Variants in SDHC observed in about 807,000 individuals in gnomAD.
SDHC encodes succinate dehydrogenase cytochrome b560 subunit, mitochondrial.
SDHC carries 11 observed loss-of-function variants against 22.6 expected under a neutral mutation model. The observed-to-expected ratio is 0.49, with a 90% CI of 0.31 to 0.81. The LOEUF (loss-of-function observed/expected upper bound fraction) is 0.81, where lower values mean the gene tolerates loss of function less well. SDHC is among the 30% of genes least tolerant of loss of function. SDHC has a pLI of 0.05. For synonymous variants in SDHC, 80 were observed against 77.8 expected, an observed-to-expected ratio of 1.03 and a Z score of -0.15; for missense variants, 160 against 212.0, an observed-to-expected ratio of 0.75 and a Z score of 1.52.
intron 4 of SDHC, among the ~76,000 whole-genome samples, chr1:161,347,191 T>C (rs943613735): frequency 6.6e-6 from 1 of 152,154 alleles, no homozygotes; most frequent in African/African-American, 2.4e-5. Flanking sequence ...GAAATTCCTT[T>C]ATGGAAAGGC....
At chr1:161,326,123 A>T (rs1328725895) in intron 2 of SDHC, among the ~76,000 whole-genome samples, 1 of 152,086 alleles carries the variant, frequency 6.6e-6, no homozygotes, top group Non-Finnish European at 1.5e-5. Flanking sequence ...GATGACTTGA[A>T]TCCAGGAGGC....
Position 161,356,818 on chromosome 1 carries a change from C to T in SDHC, c.383C>T (p.Thr128Ile), listed in dbSNP as rs2102371329. Residue 128 changes from threonine (T) to isoleucine (I), a missense_variant, in exon 5 of 6, where the codon ACC (threonine) becomes ATC (isoleucine). This residue lies in a region of SDHC where 74 missense variants were observed against 128.6 expected (regional missense o/e 0.58). Transcript: ENST00000367975. ...CTTGTCTTCCCTCTCATGTATCATA[C>T]CTGGAATGGGATCCGACACTTGGTA... ...FALVFPLMYH[T>I]WNGIRHLMWD... 6.2e-7 allele frequency: 1 copy of T among 1,614,156 alleles called. No individual in the cohort carries two copies. Among genetic ancestry groups the T allele is most frequent in the Non-Finnish European group, 8.5e-7 (1 of 1,180,016 alleles).
At chr1:161,345,249 C>T (rs115299234) in intron 4 of SDHC, among the ~76,000 whole-genome samples, 235 of 152,228 alleles carry the variant, frequency 1.5e-3, no homozygotes, top group African/African-American at 5.2e-3. Flanking sequence ...CTGAAATGCC[C>T]ACCCTGACCT....
intron 3 of SDHC, among the ~76,000 whole-genome samples, chr1:161,329,823 T>C (rs2102310868): frequency 6.6e-6 from 1 of 152,320 alleles, no homozygotes; most frequent in South Asian, 2.1e-4. Flanking sequence ...TTATAGGCCA[T>C]CCACATTCCT....
At chr1:161,323,480 A>G in intron 1 of SDHC, 134 bp from the exon 2 acceptor site, 1 of 694,266 alleles carries the variant, frequency 1.4e-6, no homozygotes, top group Non-Finnish European at 2.6e-6. Flanking sequence ...AGAAAATGGT[A>G]TCAAGGACAC....
intron 4 of SDHC, among the ~76,000 whole-genome samples, chr1:161,352,266 A>T (rs1235995468): frequency 6.6e-6 from 1 of 152,226 alleles, no homozygotes; most frequent in Admixed American, 6.5e-5. Flanking sequence ...AGTAGCTTTC[A>T]ATTGAATTAA....
intron 5 of SDHC, among the ~76,000 whole-genome samples, chr1:161,360,382 T>G (rs189262184): frequency 4.2e-4 from 62 of 146,774 alleles, no homozygotes; most frequent in Non-Finnish European, 3.0e-5. Flanking sequence ...TGGCAAAACT[T>G]CATCTCTACC....
intron 5 of SDHC, among the ~76,000 whole-genome samples, chr1:161,358,550 T>A (rs1672373124): frequency 6.6e-6 from 1 of 151,566 alleles, no homozygotes; most frequent in Non-Finnish European, 1.5e-5. Flanking sequence ...GGTGGGAGGA[T>A]CGAATGAGCC....
intron 4 of SDHC, among the ~76,000 whole-genome samples, chr1:161,344,647 A>T (rs1671833582): frequency 6.6e-6 from 1 of 152,162 alleles, no homozygotes; most frequent in Non-Finnish European, 1.5e-5. Flanking sequence ...AGGTCCCTCC[A>T]TCAAAATCGT....
chr1:161,319,135 C>T (rs1404372348), intron 1 of SDHC, among the ~76,000 whole-genome samples: 3 of 152,088 alleles, frequency 2.0e-5, no homozygotes, highest in South Asian at 2.1e-4. Flanking sequence ...GCAGGAGAAT[C>T]GCTTGAACTC....
At chr1:161,317,280 G>A (rs188839317) in intron 1 of SDHC, among the ~76,000 whole-genome samples, 46 of 148,734 alleles carry the variant, frequency 3.1e-4, no homozygotes, top group Non-Finnish European at 5.9e-5. Context: ...CATCCGCCTC[G>A]GCCTCCCAAA....
At chr1:161,354,200 ACTC>A (rs1672187845) in intron 4 of SDHC, among the ~76,000 whole-genome samples, 1 of 151,630 alleles carries the variant, frequency 6.6e-6, no homozygotes, top group African/African-American at 2.4e-5. Context: ...ATATTATACA[ACTC>A]CTCCAACCTT....
At chr1:161,326,930 T>TA (rs1294965008) in intron 2 of SDHC, among the ~76,000 whole-genome samples, 1 of 152,096 alleles carries the variant, frequency 6.6e-6, no homozygotes, top group Non-Finnish European at 1.5e-5. Context: ...GGCCAATTGT[T>TA]AAAAATATTT....
chr1:161,362,019 G>A (rs1672533098), intron 5 of SDHC, among the ~76,000 whole-genome samples: 2 of 151,976 alleles, frequency 1.3e-5, no homozygotes, highest in African/African-American at 4.8e-5. Flanking sequence ...TGGTCCTGAG[G>A]AAAAGTTGTA....
rs1672579285 is a variant in SDHC, at chr1:161,362,811, C to T, written c.*378C>T. The stretch of plus-strand genomic sequence containing the variant: ...TGTGGCTTCTGCCCTGGGGATGGGC[C>T]GGGTTGGGGGGTGGGTTGGTGAGGC... On this transcript the variant is annotated 3_prime_UTR_variant, in exon 6 of 6. Transcript: ENST00000367975. 1.3e-5 allele frequency: 5 copies of T among 392,432 alleles called. No homozygotes were observed. Among genetic ancestry groups the T allele is most frequent in the East Asian group, 4.7e-5 (1 of 21,488 alleles). The allele number at this position is 392,432 out of a possible 1,614,324, so 24.3% of individuals were successfully genotyped here.
chr1:161,361,478 G>C (rs1457285961), intron 5 of SDHC, among the ~76,000 whole-genome samples: 2 of 152,036 alleles, frequency 1.3e-5, no homozygotes, highest in Non-Finnish European at 2.9e-5. Flanking sequence ...AAAAGATTCT[G>C]AGATTGACTG....
At chr1:161,315,405 T>C (rs1448216915) in intron 1 of SDHC, among the ~76,000 whole-genome samples, 2 of 152,184 alleles carry the variant, frequency 1.3e-5, no homozygotes, top group Non-Finnish European at 2.9e-5. Context: ...AATCCTTCAT[T>C]TTCTCCCTGT....
intron 4 of SDHC, among the ~76,000 whole-genome samples, chr1:161,346,751 C>T (rs573130556): frequency 6.6e-6 from 1 of 150,462 alleles, no homozygotes; most frequent in South Asian, 2.1e-4. Flanking sequence ...CCAACAAATA[C>T]AGTTGTCCCT....
At chr1:161,343,203 G>C (rs1201568106) in intron 4 of SDHC, among the ~76,000 whole-genome samples, 1 of 152,196 alleles carries the variant, frequency 6.6e-6, no homozygotes, top group Non-Finnish European at 1.5e-5. Flanking sequence ...AGACCCTGAA[G>C]GATCTCTCCT....
Sources: gnomAD v4.1 joint callset for allele counts (sites outside exome capture counted in the v4.1 genomes callset) on GRCh38, gnomAD v4.1.1 for gene constraint, gnomAD v4.1.1 regional missense constraint, MANE v1.5 for transcripts, NCBI Gene and HGNC (gene_info 2026-07-23, HGNC 2026-07-21) for gene names.